TPP2: variants seen among roughly 807,000 people sequenced by gnomAD.
TPP2 encodes the protein tripeptidyl-peptidase 2.
In TPP2, 34 loss-of-function variants were observed where a neutral mutation model predicts 155.9. The ratio of observed to expected loss-of-function variants is 0.22; its 90% CI spans 0.17 to 0.29. The LOEUF is 0.29. Among genes scored for constraint, TPP2 ranks in the 10% least tolerant of loss-of-function variants. The pLI is 1.00. For synonymous variants in TPP2, 510 were observed against 529.4 expected (o/e 0.96, Z 0.50); for missense variants, 1,028 against 1,522.3 (o/e 0.68, Z 5.40).
intron 10 of TPP2, among the ~76,000 whole-genome samples, chr13:102,632,267 C>CA (rs1031404061): frequency 6.7e-6 from 1 of 149,294 alleles, no homozygotes; most frequent in African/African-American, 2.5e-5. Context: ...TTTCCTGAAA[C>CA]AGAGTCTTGC....
chr13:102,636,975 C>T (rs1302627712), intron 13 of TPP2, 107 bp from the exon 14 acceptor site: 30 of 1,158,460 alleles, frequency 2.6e-5, no homozygotes, highest in Non-Finnish European at 3.2e-5. Flanking sequence ...ATGCATTTTA[C>T]AGCCAACCAA....
chr13:102,600,794 CT>C (rs1296924318), intron 1 of TPP2, among the ~76,000 whole-genome samples: 1 of 152,044 alleles, frequency 6.6e-6, no homozygotes, highest in Non-Finnish European at 1.5e-5. Flanking sequence ...TATTACCTCT[CT>C]TTCAGTTAGC....
intron 25 of TPP2, among the ~76,000 whole-genome samples, chr13:102,659,834 T>G (rs1189399028): frequency 6.6e-6 from 1 of 152,244 alleles, no homozygotes; most frequent in Non-Finnish European, 1.5e-5. Flanking sequence ...TTCTCATTTT[T>G]TTCCTGTTAA....
chr13:102,664,997 A>C, intron 27 of TPP2, 72 bp downstream of exon 27: 2 of 1,548,422 alleles, frequency 1.3e-6, no homozygotes, highest in Non-Finnish European at 1.8e-6. Context: ...AGGGACTAAT[A>C]TTATAGAGGA....
At chr13:102,652,397 CATAT>C (rs10530428) in intron 24 of TPP2, among the ~76,000 whole-genome samples, 323 of 124,510 alleles carry the variant, frequency 2.6e-3, no homozygotes, top group Admixed American at 3.6e-3. Context: ...AACATACATA[CATAT>C]ATATATATAT....
In TPP2 at chr13:102,597,147, G is replaced by C. The variant is rs1451603184; in HGVS notation, c.109G>C (p.Gly37Arg). Residue 37 changes from glycine (G) to arginine (R), a missense_variant, in exon 1 of 30, where the codon GGG becomes CGG. Gly to Arg is a moderately radical substitution (Grantham distance 125). Transcript: ENST00000376052. ...LCRYPEYDGR[G>R]VLIAVLDTGV... ...CCGCTACCCGGAGTATGATGGGCGG[G>C]GGGTGCTCATCGCAGTCCTGGACAC... is the stretch of plus-strand genomic sequence containing the variant. The C allele has an allele frequency of 1.9e-6, 3 of 1,608,824 alleles. No homozygotes were observed. The African/African-American group carries it at 4.0e-5, about 22-fold the overall frequency.
At chr13:102,599,388 AT>A (rs536299321) in intron 1 of TPP2, among the ~76,000 whole-genome samples, 7 of 151,862 alleles carry the variant, frequency 4.6e-5, no homozygotes, top group Non-Finnish European at 7.4e-5. Flanking sequence ...AAACGTGAGG[AT>A]TTTTTTTTCC....
intron 2 of TPP2, among the ~76,000 whole-genome samples, chr13:102,612,236 G>A (rs565889996): frequency 1.1e-4 from 16 of 152,290 alleles, no homozygotes; most frequent in Admixed American, 9.8e-4. Context: ...TGTGTGATGA[G>A]GCTGGCAAGA....
At chr13:102,635,474 TAGAACA>T in intron 11 of TPP2, 107 bp from the exon 12 acceptor site, 1 of 677,304 alleles carries the variant, frequency 1.5e-6, no homozygotes, top group Non-Finnish European at 2.5e-6. Flanking sequence ...AAATGAGTGT[TAGAACA>T]CAAGACATTA....
chr13:102,643,212 C>G lies in TPP2; in HGVS notation c.2021-10C>G. The G allele has an allele frequency of 1.3e-6, 2 of 1,533,806 alleles. No homozygotes were observed. Among genetic ancestry groups the G allele is most frequent in the Non-Finnish European group, 1.8e-6 (2 of 1,142,366 alleles). ...AGTTTAAAGCTTTGCTTCTTTCTTT[C>G]TTATTTTAGAAGTGACAGTGTGTTC... On this transcript the variant is annotated splice_polypyrimidine_tract_variant and intron_variant, in intron 16 of 29. Transcript: ENST00000376052.
rs746801019 is a variant in TPP2, at chr13:102,646,369, C to A, written c.2469C>A (p.Val823=). 1.9e-6 allele frequency: 3 copies of A among 1,612,480 alleles called. No homozygotes were observed. The highest frequency in any genetic ancestry group is 2.5e-6 in the Non-Finnish European group (3 of 1,179,432). The change falls in exon 20 of 30, where the codon GTC becomes GTA. Residue 823 remains valine (V), a synonymous_variant. Transcript: ENST00000376052. The part of the protein sequence containing the change: ...LPNNRQLYEM[V]LTYNFHQPKS... ...ATAACCGTCAACTTTATGAGATGGT[C>A]CTGACATATAACTTTCATCAAGTAA...
At chr13:102,666,766 C>CTTTTTTTTTTTTTTTTTTTTTT in intron 27 of TPP2, among the ~76,000 whole-genome samples, 3 of 55,736 alleles carry the variant, frequency 5.4e-5, no homozygotes, top group Admixed American at 2.5e-4. Context: ...TTTTTAATCT[C>CTTTTTTTTTTTTTTTTTTTTTT]TTTTTTTTTT....
chr13:102,645,996 G>T (rs964695260), intron 19 of TPP2, among the ~76,000 whole-genome samples: 1 of 152,130 alleles, frequency 6.6e-6, no homozygotes, highest in African/African-American at 2.4e-5. Flanking sequence ...TGTCACCCTA[G>T]TGTTAGGATT....
In TPP2 at chr13:102,627,135, C is replaced by A; in HGVS notation, c.908C>A (p.Thr303Lys). The A allele has an allele frequency of 6.2e-7, 1 of 1,603,714 alleles. No homozygotes were observed. The highest frequency in any genetic ancestry group is 2.3e-5 in the East Asian group (1 of 44,186). Reference protein sequence around the residue: ...SIKIGDTRLSTMETGTGLIRA... With the variant: ...SIKIGDTRLSKMETGTGLIRA... Reference sequence around the variant, plus strand: ...AAGATTGGTGATACAAGACTAAGCACAATGGAAACAGGCACAGGCCTCATA... The same window carrying A: ...AAGATTGGTGATACAAGACTAAGCAAAATGGAAACAGGCACAGGCCTCATA... The change falls in exon 7 of 30, where the codon ACA (threonine) becomes AAA (lysine). Residue 303 changes from threonine (T) to lysine (K), a missense_variant. Physicochemically the swap from Thr to Lys is moderately conservative, Grantham distance 78 (BLOSUM62 -1). Coordinates refer to ENST00000376052, the MANE Select transcript of TPP2 (RefSeq NM_001330588.2).
chr13:102,650,263 C>T (rs74763953), intron 23 of TPP2, among the ~76,000 whole-genome samples: 1 of 152,082 alleles, frequency 6.6e-6, no homozygotes, highest in African/African-American at 2.4e-5. Context: ...TTTTGCATTT[C>T]TCTGTACTAT....
chr13:102,625,563 A>G (rs1881553435), intron 6 of TPP2, among the ~76,000 whole-genome samples: 1 of 152,304 alleles, frequency 6.6e-6, no homozygotes, highest in South Asian at 2.1e-4. Flanking sequence ...CCTCAGCAAC[A>G]CTTGCTGTGG....
Position 102,657,129 on chromosome 13 carries a change from A to G in TPP2, c.3065A>G (p.Lys1022Arg), listed in dbSNP as rs1883911257. Residue 1022 changes from lysine to arginine, a missense_variant, in exon 25 of 30, where the codon AAA becomes AGA. Physicochemically the swap from Lys to Arg is conservative, Grantham distance 26 (BLOSUM62 2). This residue lies in a region of TPP2 where 179 missense variants were observed against 274.7 expected (regional missense o/e 0.65). Transcript: ENST00000376052. ...AAGAATGGCAGCAAAGATAAGGAAAAAGATTCAGAAAAAGAGAAAGATTTA... is the reference window on the plus strand; with the variant it reads ...AAGAATGGCAGCAAAGATAAGGAAAGAGATTCAGAAAAAGAGAAAGATTTA... The part of the protein sequence containing the change: ...KTKNGSKDKE[K>R]DSEKEKDLKE... The G allele has an allele frequency of 6.3e-7, 1 of 1,590,904 alleles. No individual in the cohort carries two copies. Among genetic ancestry groups the G allele is most frequent in the Non-Finnish European group, 8.5e-7 (1 of 1,172,678 alleles).
chr13:102,641,382 A>G (rs1882756818), intron 16 of TPP2, among the ~76,000 whole-genome samples: 1 of 152,212 alleles, frequency 6.6e-6, no homozygotes, highest in South Asian at 2.1e-4. Flanking sequence ...CCCCTCTGCT[A>G]AGCACTTTAC....
chr13:102,622,544 G>A (rs1230977513), intron 5 of TPP2, among the ~76,000 whole-genome samples: 2 of 152,170 alleles, frequency 1.3e-5, no homozygotes, highest in Non-Finnish European at 2.9e-5. Context: ...TTAGACCTAG[G>A]CCATGTGTCT....
Sources: allele counts gnomAD v4.1 joint callset (sites outside exome capture counted in the v4.1 genomes callset), GRCh38; gene constraint gnomAD v4.1.1; regional missense constraint gnomAD v4.1.1; transcripts MANE v1.5; gene names NCBI Gene and HGNC (gene_info 2026-07-23, HGNC 2026-07-21).